EVA1A: variants seen among roughly 807,000 people sequenced by gnomAD.
The protein encoded by EVA1A is protein eva-1 homolog A.
Under a neutral mutation model 9.8 loss-of-function variants are expected in EVA1A, and 7 were observed. That is an observed-to-expected ratio of 0.71 (90% CI 0.41 to 1.34). The LOEUF is 1.34. Ranked by LOEUF, EVA1A falls within the 40% of genes most tolerant of loss-of-function variation. The pLI is 0.01. For synonymous variants in EVA1A, 90 were observed against 85.6 expected (o/e 1.05, Z -0.28); for missense variants, 206 against 205.9 (o/e 1.00, Z 0.00).
chr2:75,527,632 A>C (rs1319126197), intron 1 of EVA1A, among the ~76,000 whole-genome samples: 1 of 152,264 alleles, frequency 6.6e-6, no homozygotes, highest in East Asian at 1.9e-4. Flanking sequence ...CCATGATTTT[A>C]AAAATACTTC....
At chr2:75,557,551 C>G (rs947935149) in intron 1 of EVA1A, among the ~76,000 whole-genome samples, 1 of 152,228 alleles carries the variant, frequency 6.6e-6, no homozygotes, top group African/African-American at 2.4e-5. Context: ...ATTGGTTTCA[C>G]CAATATTTAT....
rs1336399424 is a variant in EVA1A, at chr2:75,528,041, T to C, written c.-191-5554A>G. 1.3e-5 allele frequency among the ~76,000 whole-genome samples: 2 copies of C among 152,222 alleles called. 1 individual carries two copies. Among genetic ancestry groups the C allele is most frequent in the South Asian group, 4.1e-4 (2 of 4,828 alleles). ...TAGAGCTGAAATGAATTTAGAGAGC[T>C]GAGCAAAATATAAAAGTAGAAGAAG... On this transcript the variant is annotated intron_variant, in intron 1 of 3. Transcript: ENST00000393913.
At chr2:75,534,695 C>T (rs1206682832) in intron 1 of EVA1A, among the ~76,000 whole-genome samples, 1 of 152,102 alleles carries the variant, frequency 6.6e-6, no homozygotes, top group East Asian at 1.9e-4. Flanking sequence ...TATTTTCTCT[C>T]ATTCTGTAGG....
intron 1 of EVA1A, among the ~76,000 whole-genome samples, chr2:75,566,278 A>G (rs994914246): frequency 6.6e-6 from 1 of 152,222 alleles, no homozygotes; most frequent in Non-Finnish European, 1.5e-5. Context: ...AAATAAATCA[A>G]TGTTGACAGT....
chr2:75,509,941 G>T (rs1674752016), intron 3 of EVA1A, among the ~76,000 whole-genome samples: 1 of 152,070 alleles, frequency 6.6e-6, no homozygotes, highest in African/African-American at 2.4e-5. Context: ...GTGGGAAATG[G>T]TTTGAAATAT....
intron 3 of EVA1A, among the ~76,000 whole-genome samples, chr2:75,511,168 A>T (rs1000453951): frequency 6.6e-6 from 1 of 152,234 alleles, no homozygotes; most frequent in Non-Finnish European, 1.5e-5. Flanking sequence ...ACACTGCTGC[A>T]GGGGCTTCTC....
At chr2:75,493,758 T>C in intron 3 of EVA1A, 149 bp from the exon 4 acceptor site, 2 of 669,402 alleles carry the variant, frequency 3.0e-6, no homozygotes, top group Non-Finnish European at 4.7e-6. Context: ...TTTTATAATG[T>C]ATTCAAAATA....
intron 1 of EVA1A, among the ~76,000 whole-genome samples, chr2:75,539,524 T>G (rs947067150): frequency 6.6e-6 from 1 of 152,224 alleles, no homozygotes; most frequent in Non-Finnish European, 1.5e-5. Flanking sequence ...AGTAAAGAAA[T>G]AGACACTGCT....
intron 1 of EVA1A, among the ~76,000 whole-genome samples, chr2:75,529,076 C>A (rs554805033): frequency 6.6e-6 from 1 of 152,192 alleles, no homozygotes; most frequent in Non-Finnish European, 1.5e-5. Context: ...CTGCCTCTAC[C>A]AGAACAGGTG....
chr2:75,492,363 G>T lies in EVA1A; in HGVS notation c.*873C>A, dbSNP rs1674061134. 2 of 145,666 alleles carry T rather than the reference G, an allele frequency of 1.4e-5. No homozygotes were observed. The highest frequency in any genetic ancestry group is 3.0e-5 in the Non-Finnish European group (2 of 67,152). The allele number at this position is 145,666 out of a possible 1,614,324, so 9.0% of individuals were successfully genotyped here. On this transcript the variant is annotated 3_prime_UTR_variant, in exon 4 of 4. Transcript: ENST00000393913. ...TTTTTTTAATTCCCATCCTAACTTT[G>T]GCTTTAATCCTTACCTCTCATTTCC...
rs573484287 is a variant in EVA1A, at chr2:75,568,634, C to T, written c.-192+842G>A. 2.6e-5 allele frequency among the ~76,000 whole-genome samples: 4 copies of T among 152,116 alleles called. No homozygotes were observed. In the East Asian group the frequency reaches 7.7e-4, roughly 29 times the overall value. ...CCCTTCCAACCTTCCCCCTCAAGTC[C>T]CCAAAATTTATTATATTGTTCTATG... On this transcript the variant is annotated intron_variant, in intron 1 of 3. Transcript: ENST00000233712.
intron 1 of EVA1A, among the ~76,000 whole-genome samples, chr2:75,531,496 C>T (rs774368869): frequency 7.2e-5 from 11 of 151,726 alleles, no homozygotes; most frequent in Non-Finnish European, 1.3e-4. Flanking sequence ...ATGGGACCAG[C>T]TCAAATGCCC....
At chr2:75,558,516 GGAGGGGA>G (rs1223252914) in intron 1 of EVA1A, 1 of 152,246 alleles carries the variant, frequency 6.6e-6, no homozygotes, top group East Asian at 1.9e-4. Context: ...TTAAAAAAAA[GGAGGGGA>G]GAGGGGAGGC....
intron 3 of EVA1A, among the ~76,000 whole-genome samples, chr2:75,499,850 C>T (rs866730595): frequency 2.0e-5 from 3 of 152,254 alleles, no homozygotes; most frequent in Admixed American, 6.5e-5. Flanking sequence ...TCTCACTGCT[C>T]GGCCGTACTC....
chr2:75,527,118 T>A (rs1675473998), intron 1 of EVA1A, among the ~76,000 whole-genome samples: 1 of 152,104 alleles, frequency 6.6e-6, no homozygotes, highest in Admixed American at 6.5e-5. Flanking sequence ...AGAAAACTCT[T>A]AGACAATAGC....
chr2:75,500,300 T>A (rs2103783802), intron 3 of EVA1A, among the ~76,000 whole-genome samples: 1 of 152,372 alleles, frequency 6.6e-6, no homozygotes. Flanking sequence ...AAATAACTTT[T>A]GATGACGGAT....
chr2:75,547,498 T>C (rs1010176585), intron 1 of EVA1A, among the ~76,000 whole-genome samples: 2 of 152,224 alleles, frequency 1.3e-5, no homozygotes, highest in Non-Finnish European at 2.9e-5. Flanking sequence ...AAGCACGATG[T>C]CTAGTGACCA....
intron 3 of EVA1A, among the ~76,000 whole-genome samples, chr2:75,511,017 T>G (rs548442398): frequency 6.6e-6 from 1 of 152,352 alleles, no homozygotes; most frequent in South Asian, 2.1e-4. Flanking sequence ...CAGCAGAGAC[T>G]GGCTCACAAA....
At chr2:75,520,265 T>G (rs940174406) in intron 2 of EVA1A, among the ~76,000 whole-genome samples, 4 of 152,186 alleles carry the variant, frequency 2.6e-5, no homozygotes, top group African/African-American at 9.7e-5. Flanking sequence ...CTGGCAAATG[T>G]TTCCTATAAG....
Sources: allele counts gnomAD v4.1 joint callset (sites outside exome capture counted in the v4.1 genomes callset), GRCh38; gene constraint gnomAD v4.1.1; transcripts MANE v1.5; gene names NCBI Gene and HGNC (gene_info 2026-07-23, HGNC 2026-07-21).